Variants in LRRC8C observed in about 807,000 individuals in gnomAD.
LRRC8C encodes the protein leucine rich repeat containing 8 VRAC subunit C, also known as volume-regulated anion channel subunit LRRC8C.
Under a neutral mutation model 55.3 loss-of-function variants are expected in LRRC8C, and 20 were observed. The observed-to-expected ratio is 0.36, with a 90% CI of 0.25 to 0.53. The LOEUF (loss-of-function observed/expected upper bound fraction) is 0.53. LRRC8C is among the 20% of genes least tolerant of loss of function. The pLI, the probability that LRRC8C is intolerant of heterozygous loss-of-function variation, is 0.92. For missense variants in LRRC8C, 659 were observed against 951.4 expected (o/e 0.69, Z 4.04); for synonymous variants, 376 against 360.7 (o/e 1.04, Z -0.48).
chr1:89,663,299 G>A (rs12407574), intron 1 of LRRC8C, among the ~76,000 whole-genome samples: 8,737 of 152,174 alleles, frequency 0.057, 366 homozygotes, highest in Admixed American at 0.12. Context: ...GGCCGGACGC[G>A]GTGGCTCATG....
rs11316114 is a variant in LRRC8C at position 89,685,101 on chromosome 1, C to CTTTT, written c.-4-1347_-4-1344dup. Among the ~76,000 whole-genome samples, 229 of 76,176 alleles carry CTTTT rather than the reference C, an allele frequency of 3.0e-3. 3 individuals are homozygous for CTTTT. The highest frequency in any genetic ancestry group is 3.6e-3 in the African/African-American group (70 of 19,648). 50.0% of individuals were successfully genotyped at this position (76,176 alleles called of 152,430 possible). A position where few individuals can be genotyped will look rare whatever the true frequency, so the allele number is the denominator to read the frequency against. On this transcript the variant is annotated intron_variant, in intron 1 of 2. Transcript: ENST00000370454. ...TGGGATGTTTATTGTCTATCTAGTTCTTTTTTTTTTTTTTTTTTTTTTTTT... is the reference window on the plus strand; with the variant it reads ...TGGGATGTTTATTGTCTATCTAGTTCTTTTTTTTTTTTTTTTTTTTTTTTTTTTT...
rs1287906334 is a variant in LRRC8C, at chr1:89,658,831, A to C, written c.-5+25509A>C. 2.0e-5 allele frequency among the ~76,000 whole-genome samples: 3 copies of C among 151,804 alleles called. No individual in the cohort carries two copies. The East Asian group carries it at 5.8e-4, about 29-fold the overall frequency. ...GGTGAAGTGTAGATTCCACTGTTTAAATTCTTTAAAGTTTATAAGCGCCTG... is the reference window on the plus strand; with the variant it reads ...GGTGAAGTGTAGATTCCACTGTTTACATTCTTTAAAGTTTATAAGCGCCTG... On this transcript the variant is annotated intron_variant, in intron 1 of 2. Transcript: ENST00000370454.
At chr1:89,701,076 G>A in intron 2 of LRRC8C, among the ~76,000 whole-genome samples, 1 of 152,038 alleles carries the variant, frequency 6.6e-6, no homozygotes, top group East Asian at 1.9e-4. Flanking sequence ...GAGCCCAGGA[G>A]TTCAAGACTA....
chr1:89,705,674 A>G (rs544946215), intron 2 of LRRC8C, among the ~76,000 whole-genome samples: 53 of 152,022 alleles, frequency 3.5e-4, no homozygotes, highest in African/African-American at 1.2e-3. Flanking sequence ...CCAGCCACTC[A>G]GGAGGCTGAG....
At chr1:89,655,991 C>A (rs539664283) in intron 1 of LRRC8C, among the ~76,000 whole-genome samples, 6 of 152,130 alleles carry the variant, frequency 3.9e-5, no homozygotes, top group African/African-American at 1.4e-4. Context: ...TTTATTATTA[C>A]GTAAAAAGGA....
At chr1:89,650,517 C>A (rs1656734390) in intron 1 of LRRC8C, among the ~76,000 whole-genome samples, 1 of 151,182 alleles carries the variant, frequency 6.6e-6, no homozygotes, top group African/African-American at 2.4e-5. Flanking sequence ...AGGTATATTT[C>A]CCCAAGTAAT....
At chr1:89,675,330 T>C (rs1657521985) in intron 1 of LRRC8C, among the ~76,000 whole-genome samples, 2 of 152,240 alleles carry the variant, frequency 1.3e-5, no homozygotes, top group South Asian at 4.1e-4. Context: ...CAAGAAACTT[T>C]AGTTTTAATG....
At chr1:89,654,182 G>A (rs183394034) in intron 1 of LRRC8C, among the ~76,000 whole-genome samples, 24 of 152,272 alleles carry the variant, frequency 1.6e-4, no homozygotes, top group Admixed American at 9.8e-4. Flanking sequence ...AACAAATAGT[G>A]TATGTTTTCA....
At chr1:89,711,199 A>G (rs1658638771) in intron 2 of LRRC8C, among the ~76,000 whole-genome samples, 1 of 152,226 alleles carries the variant, frequency 6.6e-6, no homozygotes, top group South Asian at 2.1e-4. Context: ...TTTCTCAGAA[A>G]ATATACACTG....
chr1:89,688,265 G>T (rs921760923), intron 2 of LRRC8C, among the ~76,000 whole-genome samples: 2 of 152,164 alleles, frequency 1.3e-5, no homozygotes, highest in East Asian at 1.9e-4. Context: ...ATTCATAAAT[G>T]AAATAGTTGT....
chr1:89,617,494 G>A, the LRRC8C span, among the ~76,000 whole-genome samples: 1 of 152,214 alleles, frequency 6.6e-6, no homozygotes, highest in Non-Finnish European at 1.5e-5. Flanking sequence ...GTGGTCCTGG[G>A]CAGGCCATTA....
At chr1:89,631,475 A>T (rs764522463), upstream of LRRC8C, 6 of 152,116 alleles carry the variant, frequency 3.9e-5, no homozygotes, top group Non-Finnish European at 8.8e-5. Context: ...CCTCCACAGG[A>T]GGGTTGTGAC....
intron 2 of LRRC8C, among the ~76,000 whole-genome samples, chr1:89,689,325 A>C (rs993425928): frequency 2.2e-4 from 34 of 152,196 alleles, no homozygotes; most frequent in African/African-American, 8.2e-4. Context: ...GTGAGGCCCG[A>C]GACACAGTGG....
intron 1 of LRRC8C, among the ~76,000 whole-genome samples, chr1:89,639,693 G>T (rs1048800288): frequency 2.0e-5 from 3 of 152,210 alleles, no homozygotes; most frequent in African/African-American, 7.2e-5. Flanking sequence ...CTTGTTCACT[G>T]CCATATATCT....
chr1:89,673,965 G>T (rs907960303), intron 1 of LRRC8C, among the ~76,000 whole-genome samples: 9 of 152,160 alleles, frequency 5.9e-5, no homozygotes, highest in Non-Finnish European at 1.2e-4. Context: ...AAAGCAAGGT[G>T]GGTGGGTATT....
rs746179872 is a variant in LRRC8C at position 89,634,031 on chromosome 1, CTG to C, written c.-5+712_-5+713del. On this transcript the variant is annotated intron_variant, in intron 1 of 2. Transcript: ENST00000370454. Reference sequence around the variant, plus strand: ...GCAACTCAGGAGCCTTAGATGTGTTCTGTGGACACGAATGCCTTTCTTTTCTC... The same window carrying C: ...GCAACTCAGGAGCCTTAGATGTGTTCTGGACACGAATGCCTTTCTTTTCTC... Among the ~76,000 whole-genome samples, 3 of 152,286 alleles carry C rather than the reference CTG, an allele frequency of 2.0e-5. No homozygotes were observed. The East Asian group carries it at 5.8e-4, about 29-fold the overall frequency.
intron 1 of LRRC8C, among the ~76,000 whole-genome samples, chr1:89,637,981 G>A (rs114643001): frequency 0.01 from 1,585 of 152,224 alleles, 10 homozygotes; most frequent in Non-Finnish European, 0.018. Flanking sequence ...ATGGAGACAA[G>A]GTGATACGGG....
chr1:89,679,728 G>A (rs1657646175), intron 1 of LRRC8C, among the ~76,000 whole-genome samples: 1 of 152,144 alleles, frequency 6.6e-6, no homozygotes, highest in Admixed American at 6.5e-5. Context: ...TTACTGACAG[G>A]CTACCTACCA....
intron 1 of LRRC8C, among the ~76,000 whole-genome samples, chr1:89,681,712 T>C (rs1657714201): frequency 1.3e-5 from 2 of 152,142 alleles, no homozygotes; most frequent in African/African-American, 4.8e-5. Context: ...CCTGCCCCCA[T>C]GATTTAATTA....
Sources: allele counts gnomAD v4.1 joint callset (sites outside exome capture counted in the v4.1 genomes callset), GRCh38; gene constraint gnomAD v4.1.1; transcripts MANE v1.5; gene names NCBI Gene and HGNC (gene_info 2026-07-23, HGNC 2026-07-21).